DNAJC10: variants seen among roughly 807,000 people sequenced by gnomAD.
The protein encoded by DNAJC10 is DnaJ heat shock protein family (Hsp40) member C10.
Under a neutral mutation model 115.0 loss-of-function variants are expected in DNAJC10, and 101 were observed. The ratio of observed to expected loss-of-function variants is 0.88; its 90% CI spans 0.75 to 1.04. DNAJC10 has a LOEUF of 1.04. Ranked by LOEUF, DNAJC10 falls within the 50% of genes least tolerant of loss-of-function variation. The pLI, the probability that DNAJC10 is intolerant of heterozygous loss-of-function variation, is 0.00. For synonymous variants in DNAJC10, 307 were observed against 301.5 expected, an observed-to-expected ratio of 1.02 and a Z score of -0.19; for missense variants, 981 against 928.8, an observed-to-expected ratio of 1.06 and a Z score of -0.73.
chr2:182,753,144 G>A (rs141021463), intron 16 of DNAJC10, among the ~76,000 whole-genome samples: 46 of 152,204 alleles, frequency 3.0e-4, no homozygotes, highest in African/African-American at 1.1e-3. Flanking sequence ...TCTGAAATTT[G>A]CTTTAAAATG....
chr2:182,764,263 T>C (rs1180498287), intron 22 of DNAJC10, among the ~76,000 whole-genome samples: 1 of 152,168 alleles, frequency 6.6e-6, no homozygotes, highest in African/African-American at 2.4e-5. Flanking sequence ...TTTATCAATA[T>C]TTACCTATTC....
At chr2:182,745,730 A>AT (rs1000537066) in intron 14 of DNAJC10, among the ~76,000 whole-genome samples, 2 of 150,386 alleles carry the variant, frequency 1.3e-5, no homozygotes, top group African/African-American at 4.9e-5. Flanking sequence ...TTTTATTTGA[A>AT]TTTTTTTTTA....
At chr2:182,762,171 AG>A (rs1277564660) in intron 21 of DNAJC10, among the ~76,000 whole-genome samples, 280 of 17,680 alleles carry the variant, frequency 0.016, 2 homozygotes, top group African/African-American at 0.066. Context: ...AAAAAAAAAA[AG>A]AGAGAGAGCG....
intron 16 of DNAJC10, among the ~76,000 whole-genome samples, chr2:182,753,488 T>A (rs1001931050): frequency 1.3e-5 from 2 of 152,038 alleles, no homozygotes; most frequent in Non-Finnish European, 2.9e-5. Flanking sequence ...GTTTTGAATG[T>A]TTTCTCTGTA....
Position 182,743,583 on chromosome 2 carries a change from C to T in DNAJC10, c.1192-15C>T, listed in dbSNP as rs1403529656. 2 of 1,577,478 alleles carry T rather than the reference C, an allele frequency of 1.3e-6. No homozygotes were observed. The highest frequency in any genetic ancestry group is 3.4e-5 in the Admixed American group (2 of 59,086). Reference sequence around the variant, plus strand: ...AGACAGTGTTTTTATCAAATTTGACCTTTTTCTCCTTTAGGTTGGCAGGTT... The same window carrying T: ...AGACAGTGTTTTTATCAAATTTGACTTTTTTCTCCTTTAGGTTGGCAGGTT... On this transcript the variant is annotated splice_polypyrimidine_tract_variant and intron_variant, in intron 13 of 23. Transcript: ENST00000264065.
At chr2:182,721,978 T>C in intron 4 of DNAJC10, 47 bp from the exon 5 acceptor site, 3 of 1,098,034 alleles carry the variant, frequency 2.7e-6, no homozygotes, top group Non-Finnish European at 3.9e-6. Context: ...TTGCAATTTA[T>C]ATGGTGAAGT....
chr2:182,761,921 C>G (rs1034901621), intron 21 of DNAJC10, among the ~76,000 whole-genome samples: 1 of 151,832 alleles, frequency 6.6e-6, no homozygotes, highest in Non-Finnish European at 1.5e-5. Context: ...GAAGAACAGT[C>G]AGAGGGGTAA....
chr2:182,727,320 A>G (rs988266930), intron 5 of DNAJC10, among the ~76,000 whole-genome samples: 9 of 152,204 alleles, frequency 5.9e-5, no homozygotes, highest in Admixed American at 3.3e-4. Context: ...ATGAACAGTA[A>G]TACCTTGTGT....
At chr2:182,719,298 C>T (rs138440987) in intron 3 of DNAJC10, among the ~76,000 whole-genome samples, 2,835 of 136,504 alleles carry the variant, frequency 0.021, 42 homozygotes, top group Middle Eastern at 0.083. Flanking sequence ...CTCTCTTGCC[C>T]AGACTGGAGT....
At chr2:182,746,226 A>T (rs1463267711) in intron 14 of DNAJC10, among the ~76,000 whole-genome samples, 1 of 152,170 alleles carries the variant, frequency 6.6e-6, no homozygotes, top group Non-Finnish European at 1.5e-5. Flanking sequence ...TAGCAGCATG[A>T]TTTATAATCC....
At chr2:182,743,510 G>A in intron 13 of DNAJC10, 88 bp from the exon 14 acceptor site, 1 of 871,988 alleles carries the variant, frequency 1.1e-6, no homozygotes, top group Non-Finnish European at 1.9e-6. Flanking sequence ...TGTCATTAGG[G>A]CAGTGCCATT....
chr2:182,750,146 A>AAGAG (rs150225185), intron 14 of DNAJC10, among the ~76,000 whole-genome samples: 1 of 150,902 alleles, frequency 6.6e-6, no homozygotes, highest in Non-Finnish European at 1.5e-5. Flanking sequence ...GTGGGAGGTC[A>AAGAG]AGAGAGAGAG....
In DNAJC10 at chr2:182,732,622, C is replaced by T. The variant is rs868018538; in HGVS notation, c.849+80C>T. ...AAATTGATTTGAAACATTTTCTTCC[C>T]TTATTTCTTGAACATTTAACTCACC... On this transcript the variant is annotated intron_variant, in intron 10 of 23. Coordinates refer to ENST00000264065, the MANE Select transcript of DNAJC10 (RefSeq NM_018981.4). 2.4e-5 allele frequency: 33 copies of T among 1,393,774 alleles called. No individual in the cohort carries two copies. In the Middle Eastern group the frequency reaches 7.1e-4, roughly 30 times the overall value. 86.3% of individuals were successfully genotyped at this position (1,393,774 alleles called of 1,614,324 possible).
chr2:182,736,009 T>C (rs1693575187), intron 10 of DNAJC10, among the ~76,000 whole-genome samples: 2 of 152,244 alleles, frequency 1.3e-5, no homozygotes, highest in South Asian at 4.1e-4. Flanking sequence ...AGTAGATTTC[T>C]ACTATTAGGG....
At chr2:182,775,823 T>C (rs1172709018) in intron 23 of DNAJC10, among the ~76,000 whole-genome samples, 2 of 152,218 alleles carry the variant, frequency 1.3e-5, no homozygotes, top group Non-Finnish European at 2.9e-5. Context: ...GTTTGAACTC[T>C]GGAAAATGTT....
Position 182,757,828 on chromosome 2 carries a change from A to G in DNAJC10, c.1943+3A>G, listed in dbSNP as rs1430881869. ...TCAAATAAAGCTTATCATTATCAGT[A>G]AGTATTCTCTCATATTTGAAGACAT... is the stretch of plus-strand genomic sequence containing the variant. On this transcript the variant is annotated splice_donor_region_variant and intron_variant, in intron 19 of 23. Transcript: ENST00000264065. 3 of 1,409,440 alleles carry G rather than the reference A, an allele frequency of 2.1e-6. No homozygotes were observed. Among genetic ancestry groups the G allele is most frequent in the African/African-American group, 1.4e-5 (1 of 69,056 alleles). 87.3% of individuals were successfully genotyped at this position (1,409,440 alleles called of 1,614,324 possible). A position where few individuals can be genotyped will look rare whatever the true frequency, so the allele number is the denominator to read the frequency against.
intron 3 of DNAJC10, among the ~76,000 whole-genome samples, chr2:182,719,479 T>C (rs1177036885): frequency 6.6e-6 from 1 of 151,994 alleles, no homozygotes; most frequent in African/African-American, 2.4e-5. Flanking sequence ...GGTCTCGATC[T>C]CCTGACCTCA....
intron 13 of DNAJC10, among the ~76,000 whole-genome samples, chr2:182,741,930 T>C (rs1023934887): frequency 1.4e-5 from 2 of 144,806 alleles, no homozygotes; most frequent in Admixed American, 6.9e-5. Context: ...CACTGTATGC[T>C]TTTTTTTTTA....
At chr2:182,728,445 G>C (rs955633372) in intron 5 of DNAJC10, 131 bp from the exon 6 acceptor site, 9 of 574,976 alleles carry the variant, frequency 1.6e-5, no homozygotes, top group Non-Finnish European at 2.3e-5. Context: ...ACATCACACA[G>C]AAAATGAGAA....
Sources: gnomAD v4.1 joint callset for allele counts (sites outside exome capture counted in the v4.1 genomes callset) on GRCh38, gnomAD v4.1.1 for gene constraint, MANE v1.5 for transcripts, NCBI Gene and HGNC (gene_info 2026-07-23, HGNC 2026-07-21) for gene names.